DPP6: variants seen among roughly 807,000 people sequenced by gnomAD.
DPP6 encodes A-type potassium channel modulatory protein DPP6.
DPP6 carries 69 observed loss-of-function variants against 122.6 expected under a neutral mutation model. The ratio of observed to expected loss-of-function variants is 0.56; its 90% CI spans 0.46 to 0.69. DPP6 has a LOEUF of 0.69. Ranked by LOEUF, DPP6 falls within the 30% of genes least tolerant of loss-of-function variation. The probability of loss-of-function intolerance (pLI) is 0.00; values close to 1 mark genes in which losing one functional copy is unlikely to be tolerated. For missense variants in DPP6, 928 were observed against 1,116.9 expected (o/e 0.83, Z 2.41); for synonymous variants, 418 against 433.1 (o/e 0.97, Z 0.43).
intron 5 of DPP6, among the ~76,000 whole-genome samples, chr7:154,630,762 C>T (rs1239737479): frequency 1.3e-5 from 2 of 152,124 alleles, no homozygotes; most frequent in African/African-American, 4.8e-5. Context: ...GGGAGGGGAA[C>T]ATCACACACT....
chr7:154,568,580 C>T (rs1830913428), intron 5 of DPP6, among the ~76,000 whole-genome samples: 1 of 152,166 alleles, frequency 6.6e-6, no homozygotes, highest in Admixed American at 6.5e-5. Context: ...AATTCTCCAC[C>T]ACTTTCTTCG....
rs543146681 is a variant in DPP6 at position 154,241,234 on chromosome 7, G to T, written c.243+188171G>T. Among the ~76,000 whole-genome samples, 572 of 130,006 alleles carry T rather than the reference G, an allele frequency of 4.4e-3. 3 individuals carry two copies. The highest frequency in any genetic ancestry group is 0.014 in the African/African-American group (514 of 35,774). 85.3% of individuals were successfully genotyped at this position (130,006 alleles called of 152,430 possible). ...GTGTGTGTGTGTATATATATATAGA[G>T]AGAGAGAGAGACACTTTTATCCATT... On this transcript the variant is annotated intron_variant, in intron 1 of 25. Transcript: ENST00000377770. This position sits in a 1 kb window ranked among gnomAD's most constrained non-coding sequence, Gnocchi z 9.0.
At position 154,713,898 on chromosome 7, in the gene DPP6, G is replaced by T. The variant is rs182478552; in HGVS notation, c.763-13869G>T. Among the ~76,000 whole-genome samples, 548 of 152,204 alleles carry T rather than the reference G, an allele frequency of 3.6e-3. 3 individuals are homozygous for T. The highest frequency in any genetic ancestry group is 0.013 in the African/African-American group (526 of 41,526). ...AGAAAGTGGGATTTTCTTTTCTATCGCATCATCAGATGGCAAATTTTCTAA... is the reference window on the plus strand; with the variant it reads ...AGAAAGTGGGATTTTCTTTTCTATCTCATCATCAGATGGCAAATTTTCTAA... On this transcript the variant is annotated intron_variant, in intron 7 of 25. Coordinates refer to ENST00000377770, the MANE Select transcript of DPP6 (RefSeq NM_130797.4).
intron 1 of DPP6, among the ~76,000 whole-genome samples, chr7:154,423,039 G>A (rs1817609464): frequency 6.6e-6 from 1 of 152,152 alleles, no homozygotes; most frequent in Non-Finnish European, 1.5e-5. Context: ...CATCCTAAGA[G>A]TGTGTGTTGT....
At chr7:154,514,465 G>A (rs945742566) in intron 3 of DPP6, among the ~76,000 whole-genome samples, 2 of 151,314 alleles carry the variant, frequency 1.3e-5, no homozygotes, top group African/African-American at 4.9e-5. Flanking sequence ...CATTCACATC[G>A]CTATGCACCC....
intron 1 of DPP6, among the ~76,000 whole-genome samples, chr7:154,024,666 T>A (rs1438477679): frequency 1.3e-5 from 2 of 152,214 alleles, no homozygotes; most frequent in African/African-American, 4.8e-5. Context: ...GTGCGTATGT[T>A]ATGATTGCAT....
At chr7:154,407,160 A>G (rs1461951867) in intron 1 of DPP6, among the ~76,000 whole-genome samples, 6 of 152,184 alleles carry the variant, frequency 3.9e-5, no homozygotes, top group Admixed American at 3.9e-4. Context: ...TCTGATATTT[A>G]TAATTGTGCT....
intron 10 of DPP6, among the ~76,000 whole-genome samples, chr7:154,773,449 G>A (rs950784607): frequency 2.0e-5 from 3 of 152,128 alleles, no homozygotes; most frequent in Admixed American, 6.5e-5. Flanking sequence ...GATTGTGGTC[G>A]CTTTTTTCTA....
chr7:153,813,362 T>TG, the DPP6 span, among the ~76,000 whole-genome samples: 1 of 152,198 alleles, frequency 6.6e-6, no homozygotes, highest in Non-Finnish European at 1.5e-5. Flanking sequence ...GAACTCATCA[T>TG]TTTTATGGCT....
intron 2 of DPP6, among the ~76,000 whole-genome samples, chr7:154,452,545 G>A (rs1820475121): frequency 6.6e-6 from 1 of 152,216 alleles, no homozygotes; most frequent in African/African-American, 2.4e-5. Context: ...TAAAAAAATA[G>A]TATTTTTCAA....
At chr7:153,762,734 C>T in the DPP6 span, among the ~76,000 whole-genome samples, 3 of 151,996 alleles carry the variant, frequency 2.0e-5, no homozygotes, top group Non-Finnish European at 4.4e-5. Context: ...GAGCCAAAAT[C>T]GTGCCATTTC....
At chr7:154,369,103 C>T (rs188098181) in intron 1 of DPP6, among the ~76,000 whole-genome samples, 4 of 152,124 alleles carry the variant, frequency 2.6e-5, no homozygotes, top group Non-Finnish European at 4.4e-5. Context: ...TTCGTTCGTT[C>T]GTTTGTTTTT....
At chr7:154,175,875 A>G (rs964744986) in intron 1 of DPP6, among the ~76,000 whole-genome samples, 7 of 151,908 alleles carry the variant, frequency 4.6e-5, no homozygotes, top group Non-Finnish European at 1.0e-4. Flanking sequence ...TTTAGTAGAG[A>G]CGGAGTTTCG....
Position 154,885,628 on chromosome 7 carries a change from T to G in DPP6, c.2134-5T>G, listed in dbSNP as rs1806083531. On this transcript the variant is annotated splice_region_variant and splice_polypyrimidine_tract_variant and intron_variant, in intron 21 of 25. Coordinates refer to ENST00000377770, the MANE Select transcript of DPP6 (RefSeq NM_130797.4). ...CTAACTGTCTTCTCTCTGCGCTTTC[T>G]CCAGGATTACGGTGGCTACCTGAGC... 4.5e-6 allele frequency: 7 copies of G among 1,564,398 alleles called. No individual in the cohort carries two copies. Among genetic ancestry groups the G allele is most frequent in the Non-Finnish European group, 6.1e-6 (7 of 1,154,644 alleles).
intron 3 of DPP6, among the ~76,000 whole-genome samples, chr7:154,500,169 A>G (rs1259107179): frequency 2.0e-5 from 3 of 152,046 alleles, no homozygotes; most frequent in Admixed American, 6.6e-5. Flanking sequence ...CACAGGGAAC[A>G]AAATAGTTTA....
At position 154,151,483 on chromosome 7, in the gene DPP6, C is replaced by T. The variant is rs533699443; in HGVS notation, c.243+98420C>T. Among the ~76,000 whole-genome samples the T allele has an allele frequency of 1.7e-3, 263 of 152,310 alleles. 2 individuals are homozygous for T. Among genetic ancestry groups the T allele is most frequent in the Non-Finnish European group, 2.4e-3 (166 of 68,046 alleles). On this transcript the variant is annotated intron_variant, in intron 1 of 25. Coordinates refer to ENST00000377770, the MANE Select transcript of DPP6 (RefSeq NM_130797.4). ...GACACGGTTCACACAGGCAATGCCC[C>T]GCCATCATTGCTTCCAATTGTGTTC... is the stretch of plus-strand genomic sequence containing the variant.
intron 1 of DPP6, among the ~76,000 whole-genome samples, chr7:154,070,580 T>G (rs1188666683): frequency 6.6e-6 from 1 of 152,198 alleles, no homozygotes; most frequent in East Asian, 1.9e-4. Context: ...TCTAAGATTT[T>G]TTTTTCCTGA....
rs1800825750 is a variant in DPP6, at chr7:154,833,907, T to G, written c.1667-19873T>G. ...TTAGCAGAACTGGATATGGAAGGCC[T>G]GGGCTAGGCCTGGATGGTCCCGGGG... On this transcript the variant is annotated intron_variant, in intron 16 of 25. Coordinates refer to ENST00000377770, the MANE Select transcript of DPP6 (RefSeq NM_130797.4). The surrounding 1 kb of genome is among the most constrained non-coding windows in gnomAD (Gnocchi z 4.3). Among the ~76,000 whole-genome samples, 5 of 152,166 alleles carry G rather than the reference T, an allele frequency of 3.3e-5. No homozygotes were observed. The South Asian group carries it at 8.3e-4, about 25-fold the overall frequency.
intron 1 of DPP6, among the ~76,000 whole-genome samples, chr7:154,320,002 AT>A (rs1807795965): frequency 3.9e-4 from 1 of 2,546 alleles, no homozygotes; most frequent in African/African-American, 2.0e-3. Context: ...AATATTTCAA[AT>A]ATATATATAT....
Sources: gnomAD v4.1 joint callset for allele counts (sites outside exome capture counted in the v4.1 genomes callset) on GRCh38, gnomAD v4.1.1 for gene constraint, Gnocchi (gnomAD v3.1) non-coding constraint, MANE v1.5 for transcripts, NCBI Gene and HGNC (gene_info 2026-07-23, HGNC 2026-07-21) for gene names.